Variants in SFMBT2 observed in about 807,000 individuals in gnomAD.
The protein encoded by SFMBT2 is Scm like with four mbt domains 2, also known as scm-like with four MBT domains protein 2.
Under a neutral mutation model 110.1 loss-of-function variants are expected in SFMBT2, and 38 were observed. That is an observed-to-expected ratio of 0.35 (90% CI 0.27 to 0.45). The LOEUF (loss-of-function observed/expected upper bound fraction) is 0.45, where lower values mean the gene tolerates loss of function less well. Ranked by LOEUF, SFMBT2 falls within the 20% of genes least tolerant of loss-of-function variation. SFMBT2 has a pLI of 1.00. For synonymous variants in SFMBT2, 425 were observed against 425.4 expected (o/e 1.00, Z 0.01); for missense variants, 1,011 against 1,094.9 (o/e 0.92, Z 1.08).
intron 7 of SFMBT2, among the ~76,000 whole-genome samples, chr10:7,269,729 T>A (rs375015079): frequency 2.3e-4 from 25 of 110,494 alleles, no homozygotes; most frequent in Non-Finnish European, 2.0e-4. Context: ...TGTGTGTGTG[T>A]GTGTGTGTGT....
chr10:7,334,037 A>G (rs1387343090), intron 4 of SFMBT2, among the ~76,000 whole-genome samples: 1 of 152,210 alleles, frequency 6.6e-6, no homozygotes, highest in African/African-American at 2.4e-5. Flanking sequence ...GGCCTGACAA[A>G]GCAGACACAC....
In SFMBT2 at chr10:7,171,707, G is replaced by T. The variant is rs994277514; in HGVS notation, c.2415+188C>A. Among the ~76,000 whole-genome samples, 4 of 152,202 alleles carry T rather than the reference G, an allele frequency of 2.6e-5. No individual in the cohort carries two copies. The highest frequency in any genetic ancestry group is 9.7e-5 in the African/African-American group (4 of 41,444). ...GTCTCCACCCTGGGCACTCCATTCTGATGCCGAAAGGCCCCTCCACCCAGA... is the reference window on the plus strand; with the variant it reads ...GTCTCCACCCTGGGCACTCCATTCTTATGCCGAAAGGCCCCTCCACCCAGA... On this transcript the variant is annotated intron_variant, in intron 19 of 20. Transcript: ENST00000397167. This position sits in a 1 kb window ranked among gnomAD's most constrained non-coding sequence, Gnocchi z 4.9.
intron 4 of SFMBT2, among the ~76,000 whole-genome samples, chr10:7,297,819 G>A (rs189075712): frequency 2.2e-4 from 33 of 152,318 alleles, no homozygotes; most frequent in African/African-American, 7.7e-4. Context: ...TTCAGCACAC[G>A]CAAGAGTGTG....
At chr10:7,306,010 C>G (rs1252094049) in intron 4 of SFMBT2, among the ~76,000 whole-genome samples, 1 of 152,268 alleles carries the variant, frequency 6.6e-6, no homozygotes, top group Non-Finnish European at 1.5e-5. Flanking sequence ...ATTTACTAAA[C>G]TCTAAGTATT....
rs1837926218 is a variant in SFMBT2 at position 7,172,712 on chromosome 10, A to G, written c.1985-51T>C. On this transcript the variant is annotated intron_variant, in intron 17 of 20. Transcript: ENST00000397167. The surrounding 1 kb of genome is among the most constrained non-coding windows in gnomAD (Gnocchi z 4.6). ...TTGAAGGCTATACACACACACAGAC[A>G]TGAACAGAGAGAGGAGAGAGAAAGA... 1 of 1,542,282 alleles carries G rather than the reference A, an allele frequency of 6.5e-7. No individual in the cohort carries two copies. The highest frequency in any genetic ancestry group is 8.8e-7 in the Non-Finnish European group (1 of 1,137,752).
At chr10:7,286,857 A>G (rs1346089665) in intron 4 of SFMBT2, among the ~76,000 whole-genome samples, 6 of 152,160 alleles carry the variant, frequency 3.9e-5, no homozygotes, top group African/African-American at 1.4e-4. Context: ...ACTGAGTGGT[A>G]GGAATAAACT....
At chr10:7,215,061 C>T (rs1839488300) in intron 11 of SFMBT2, among the ~76,000 whole-genome samples, 1 of 152,204 alleles carries the variant, frequency 6.6e-6, no homozygotes. Context: ...TGATCACATT[C>T]CTTCTAAATA....
intron 11 of SFMBT2, among the ~76,000 whole-genome samples, chr10:7,213,401 G>A (rs1191170916): frequency 6.6e-6 from 1 of 152,154 alleles, no homozygotes; most frequent in Non-Finnish European, 1.5e-5. Context: ...AGGAGGGCCT[G>A]AGTGCAATGT....
chr10:7,198,334 T>C (rs1455682568), intron 14 of SFMBT2, among the ~76,000 whole-genome samples: 1 of 152,256 alleles, frequency 6.6e-6, no homozygotes, highest in African/African-American at 2.4e-5. Flanking sequence ...GTTTCTACTT[T>C]TTCAGGACTG....
At chr10:7,315,638 C>T (rs943629651) in intron 4 of SFMBT2, among the ~76,000 whole-genome samples, 1 of 152,164 alleles carries the variant, frequency 6.6e-6, no homozygotes, top group Admixed American at 6.5e-5. Context: ...CTCCTTGGAA[C>T]AAATCTCTCA....
intron 12 of SFMBT2, chr10:7,203,638 G>A (rs979587587): frequency 4.1e-6 from 4 of 972,450 alleles, no homozygotes; most frequent in Admixed American, 1.2e-4. Flanking sequence ...AGAGGGGATT[G>A]GAACCCCAAC....
chr10:7,164,746 AACACACACAC>A lies in SFMBT2; in HGVS notation c.2545-846_2545-837del, dbSNP rs58744416. 6.4e-3 allele frequency among the ~76,000 whole-genome samples: 885 copies of A among 137,832 alleles called. 5 individuals are homozygous for A. Among genetic ancestry groups the A allele is most frequent in the African/African-American group, 0.018 (657 of 37,068 alleles). 90.4% of individuals were successfully genotyped at this position (137,832 alleles called of 152,430 possible). On this transcript the variant is annotated intron_variant, in intron 20 of 20. Transcript: ENST00000397167. ...GACAGCACAGGTTTCCATAAAGGGAAACACACACACACACACACACACACACACACACACA... is the reference window on the plus strand; with the variant it reads ...GACAGCACAGGTTTCCATAAAGGGAAACACACACACACACACACACACACA...
chr10:7,349,451 T>C (rs1382258062), intron 4 of SFMBT2, among the ~76,000 whole-genome samples: 2 of 125,390 alleles, frequency 1.6e-5, no homozygotes, highest in African/African-American at 6.0e-5. Flanking sequence ...TTTTTTTTTT[T>C]TTTTTTTTTT....
chr10:7,260,029 T>C (rs1386078066), intron 7 of SFMBT2, among the ~76,000 whole-genome samples: 3 of 152,204 alleles, frequency 2.0e-5, no homozygotes, highest in Non-Finnish European at 4.4e-5. Flanking sequence ...TAAACAATGG[T>C]GACCACAATA....
chr10:7,360,393 G>C (rs1844678813), intron 4 of SFMBT2, among the ~76,000 whole-genome samples: 2 of 152,148 alleles, frequency 1.3e-5, no homozygotes, highest in African/African-American at 4.8e-5. Flanking sequence ...CTTGACCCCG[G>C]GAGGCAGAGG....
chr10:7,410,331 C>G (rs1023416809), intron 1 of SFMBT2, among the ~76,000 whole-genome samples: 2 of 152,274 alleles, frequency 1.3e-5, no homozygotes, highest in African/African-American at 4.8e-5. Flanking sequence ...TCCGATTCCC[C>G]GTCCTCACCA....
chr10:7,226,038 C>T (rs1025407538), intron 10 of SFMBT2, among the ~76,000 whole-genome samples: 1 of 152,176 alleles, frequency 6.6e-6, no homozygotes, highest in Non-Finnish European at 1.5e-5. Context: ...CACCTAAACA[C>T]ACACCACTCG....
intron 4 of SFMBT2, among the ~76,000 whole-genome samples, chr10:7,359,419 A>G (rs11255087): frequency 0.061 from 9,353 of 152,252 alleles, 952 homozygotes; most frequent in African/African-American, 0.21. Context: ...AGGAGTTAAC[A>G]CGGAAGCAAA....
chr10:7,192,697 C>G (rs770716815), intron 15 of SFMBT2, among the ~76,000 whole-genome samples: 1 of 152,168 alleles, frequency 6.6e-6, no homozygotes, highest in Non-Finnish European at 1.5e-5. Context: ...AATCCCAAAC[C>G]GCCAGGTCCC....
Sources: gnomAD v4.1 joint callset for allele counts (sites outside exome capture counted in the v4.1 genomes callset) on GRCh38, gnomAD v4.1.1 for gene constraint, Gnocchi (gnomAD v3.1) non-coding constraint, MANE v1.5 for transcripts, NCBI Gene and HGNC (gene_info 2026-07-23, HGNC 2026-07-21) for gene names.